SLMAP: variants seen among roughly 807,000 people sequenced by gnomAD.
SLMAP encodes sarcolemma associated protein, also known as sarcolemmal membrane-associated protein.
SLMAP carries 44 observed loss-of-function variants against 128.8 expected under a neutral mutation model. The ratio of observed to expected loss-of-function variants is 0.34; its 90% CI spans 0.27 to 0.44. SLMAP has a LOEUF of 0.44. Among genes scored for constraint, SLMAP ranks in the 20% least tolerant of loss-of-function variants. The probability of loss-of-function intolerance (pLI) is 1.00; values close to 1 mark genes in which losing one functional copy is unlikely to be tolerated. For synonymous variants in SLMAP, 327 were observed against 348.8 expected (o/e 0.94, Z 0.70); for missense variants, 787 against 985.3 (o/e 0.80, Z 2.69).
chr3:57,875,270 T>C (rs1455153445), intron 14 of SLMAP, among the ~76,000 whole-genome samples: 3 of 152,142 alleles, frequency 2.0e-5, no homozygotes, highest in African/African-American at 4.8e-5. Flanking sequence ...ATACCTGTAA[T>C]CTCAGCACTT....
chr3:57,798,922 A>C (rs1038061722), intron 2 of SLMAP, among the ~76,000 whole-genome samples: 4 of 152,112 alleles, frequency 2.6e-5, no homozygotes, highest in Non-Finnish European at 5.9e-5. Context: ...AGAGTACTTC[A>C]CTCAGTTTAT....
chr3:57,792,892 C>CT (rs1286607959), intron 2 of SLMAP, among the ~76,000 whole-genome samples: 1 of 152,092 alleles, frequency 6.6e-6, no homozygotes, highest in African/African-American at 2.4e-5. Flanking sequence ...AATCCCAGCA[C>CT]TTTGAGAGGC....
At chr3:57,794,392 C>T (rs2086224631) in intron 2 of SLMAP, among the ~76,000 whole-genome samples, 1 of 152,174 alleles carries the variant, frequency 6.6e-6, no homozygotes, top group Non-Finnish European at 1.5e-5. Flanking sequence ...CTTATATTAA[C>T]ACTTATAAGC....
rs929180869 is a variant in SLMAP, at chr3:57,927,890, A to G, written c.*601A>G. 2.0e-5 allele frequency: 3 copies of G among 152,402 alleles called. No homozygotes were observed. The highest frequency in any genetic ancestry group is 7.2e-5 in the African/African-American group (3 of 41,382). The allele number at this position is 152,402 out of a possible 1,614,324, so 9.4% of individuals were successfully genotyped here. A position where few individuals can be genotyped will look rare whatever the true frequency, so the allele number is the denominator to read the frequency against. ...CATATTTACGCCATTTTTACTTGTT[A>G]TGAAACCACTGAGCTATTGGGAACA... is the stretch of plus-strand genomic sequence containing the variant. On this transcript the variant is annotated 3_prime_UTR_variant, in exon 25 of 25. Transcript: ENST00000671191.
In SLMAP at chr3:57,896,492, T is replaced by G. The variant is rs1426844517; in HGVS notation, c.1361-19T>G. The stretch of plus-strand genomic sequence containing the variant: ...TATTTAACTGTAATAAGATTTTACT[T>G]TTATTTTTTTCTTGGTAGAAAATCA... On this transcript the variant is annotated intron_variant, in intron 15 of 24. Coordinates refer to ENST00000671191, the MANE Select transcript of SLMAP (RefSeq NM_001377540.1). 8 of 1,582,558 alleles carry G rather than the reference T, an allele frequency of 5.1e-6. No individual in the cohort carries two copies. The highest frequency in any genetic ancestry group is 1.4e-5 in the African/African-American group (1 of 73,134).
At chr3:57,824,261 T>C (rs2092753941) in intron 2 of SLMAP, among the ~76,000 whole-genome samples, 1 of 151,494 alleles carries the variant, frequency 6.6e-6, no homozygotes, top group Non-Finnish European at 1.5e-5. Context: ...GAAATGAACA[T>C]ACCCTAAGGG....
intron 2 of SLMAP, among the ~76,000 whole-genome samples, chr3:57,793,180 A>T (rs186835196): frequency 6.6e-6 from 1 of 152,194 alleles, no homozygotes; most frequent in East Asian, 1.9e-4. Context: ...CTCCCATGTC[A>T]GCCTCCAAGT....
chr3:57,906,505 C>T (rs1389556345), intron 17 of SLMAP, among the ~76,000 whole-genome samples: 2 of 147,396 alleles, frequency 1.4e-5, no homozygotes, highest in South Asian at 2.1e-4. Context: ...TTAGTAGAGA[C>T]GGGGTTTCCA....
chr3:57,919,909 C>A (rs889968291), intron 22 of SLMAP, among the ~76,000 whole-genome samples: 1 of 152,124 alleles, frequency 6.6e-6, no homozygotes, highest in Non-Finnish European at 1.5e-5. Context: ...TCCTTGCCAC[C>A]CCCTCACGTA....
chr3:57,878,090 G>A (rs1046589197), intron 14 of SLMAP, among the ~76,000 whole-genome samples: 6 of 151,896 alleles, frequency 4.0e-5, no homozygotes, highest in Non-Finnish European at 7.4e-5. Context: ...TGATCCACCT[G>A]CCTTGGCCTC....
chr3:57,818,158 TTTG>T (rs147562456), intron 2 of SLMAP, among the ~76,000 whole-genome samples: 23,932 of 152,082 alleles, frequency 0.16, 2,405 homozygotes, highest in East Asian at 0.43. Flanking sequence ...TTTGTTTTGT[TTTG>T]TTTTGTTTTT....
At chr3:57,911,286 C>G (rs1000681020) in intron 19 of SLMAP, among the ~76,000 whole-genome samples, 5 of 152,174 alleles carry the variant, frequency 3.3e-5, no homozygotes, top group African/African-American at 9.6e-5. Context: ...CTTGTTACCT[C>G]TCAGTCCTTC....
At chr3:57,843,834 G>A (rs1455944757) in intron 4 of SLMAP, among the ~76,000 whole-genome samples, 4 of 127,944 alleles carry the variant, frequency 3.1e-5, no homozygotes, top group Non-Finnish European at 6.3e-5. Context: ...AGGCTGGAGT[G>A]CGGTGGGATG....
intron 4 of SLMAP, 96 bp from the exon 5 acceptor site, chr3:57,847,101 G>T: frequency 2.7e-6 from 2 of 739,420 alleles, no homozygotes; most frequent in South Asian, 3.4e-5. Flanking sequence ...GAAGGCAAAT[G>T]TATAAACTTT....
intron 17 of SLMAP, among the ~76,000 whole-genome samples, chr3:57,906,292 A>ATTTTT (rs1351679528): frequency 3.8e-5 from 3 of 78,752 alleles, no homozygotes; most frequent in Non-Finnish European, 5.1e-5. Context: ...CCAGAATCAA[A>ATTTTT]TTTTTTTCTT....
intron 2 of SLMAP, among the ~76,000 whole-genome samples, chr3:57,788,394 T>TG (rs146326961): frequency 0.018 from 2,783 of 152,286 alleles, 75 homozygotes; most frequent in African/African-American, 0.063. Flanking sequence ...CAAGGGGACT[T>TG]GTAGAGTGAT....
rs1280886643 is a variant in SLMAP, at chr3:57,764,412, T to A, written c.198+6563T>A. 1.9e-4 allele frequency among the ~76,000 whole-genome samples: 29 copies of A among 149,958 alleles called. No homozygotes were observed. In the Admixed American group the frequency reaches 2.0e-3, roughly 10 times the overall value. On this transcript the variant is annotated intron_variant, in intron 2 of 24. Coordinates refer to ENST00000671191, the MANE Select transcript of SLMAP (RefSeq NM_001377540.1). ...AGCTACTTGTGAGGCTGAGGCAGGA[T>A]AATCACTTGAACCCAGGAAGCGGAG...
At position 57,757,695 on chromosome 3, in the gene SLMAP, A is replaced by T; in HGVS notation, c.44A>T (p.His15Leu). The T allele has an allele frequency of 1.2e-6, 2 of 1,614,002 alleles. No individual in the cohort carries two copies. The highest frequency in any genetic ancestry group is 1.7e-6 in the Non-Finnish European group (2 of 1,180,014). The change falls in exon 2 of 25, where the codon CAC becomes CTC. Residue 15 changes from histidine to leucine, a missense_variant. His to Leu is a moderately conservative substitution (Grantham distance 99). Around this residue, in one of 2 missense-constraint regions of SLMAP, gnomAD observed 72 missense variants for 141.8 expected, o/e 0.51. Coordinates refer to ENST00000671191, the MANE Select transcript of SLMAP (RefSeq NM_001377540.1). ...LAIFTCRPNS[H>L]PFQERHVYLD... ...ATCTTCACTTGCCGCCCGAACTCGC[A>T]CCCGTTTCAGGAGCGTCATGTCTAC...
At chr3:57,886,159 A>G (rs944270354) in intron 14 of SLMAP, among the ~76,000 whole-genome samples, 3 of 148,396 alleles carry the variant, frequency 2.0e-5, no homozygotes, top group Admixed American at 6.8e-5. Flanking sequence ...GCTGGAGTGC[A>G]GTGGCATGAT....
Sources: gnomAD v4.1 joint callset for allele counts (sites outside exome capture counted in the v4.1 genomes callset) on GRCh38, gnomAD v4.1.1 for gene constraint, gnomAD v4.1.1 regional missense constraint, MANE v1.5 for transcripts, NCBI Gene and HGNC (gene_info 2026-07-23, HGNC 2026-07-21) for gene names.